The following PITPNC1 variants were observed in gnomAD, a reference collection of about 807,000 sequenced individuals.
PITPNC1 encodes the protein cytoplasmic phosphatidylinositol transfer protein 1.
Under a neutral mutation model 44.7 loss-of-function variants are expected in PITPNC1, and 18 were observed. The ratio of observed to expected loss-of-function variants is 0.40; its 90% CI spans 0.28 to 0.60. PITPNC1 has a LOEUF of 0.60. Ranked by LOEUF, PITPNC1 falls within the 20% of genes least tolerant of loss-of-function variation. The probability of loss-of-function intolerance (pLI) is 0.39; values close to 1 mark genes in which losing one functional copy is unlikely to be tolerated. For missense variants in PITPNC1, 290 were observed against 418.4 expected (o/e 0.69, Z 2.68); for synonymous variants, 141 against 149.6 (o/e 0.94, Z 0.42).
At chr17:67,442,692 A>AT (rs1555651513) in intron 1 of PITPNC1, among the ~76,000 whole-genome samples, 14 of 150,668 alleles carry the variant, frequency 9.3e-5, no homozygotes, top group South Asian at 2.1e-4. Flanking sequence ...AAAATACAAA[A>AT]ATATATATAT....
chr17:67,635,179 CAG>C (rs2042019158), intron 6 of PITPNC1, among the ~76,000 whole-genome samples: 1 of 152,194 alleles, frequency 6.6e-6, no homozygotes, highest in Non-Finnish European at 1.5e-5. Flanking sequence ...TGGAGAAGAA[CAG>C]AGTCAGGAGA....
At chr17:67,553,581 C>T (rs1293675058) in intron 3 of PITPNC1, 29 bp from the exon 4 acceptor site, 2 of 1,144,614 alleles carry the variant, frequency 1.7e-6, no homozygotes, top group Admixed American at 2.8e-5. Context: ...TTTCTTTCCT[C>T]TCTTCTTCAA....
intron 6 of PITPNC1, among the ~76,000 whole-genome samples, chr17:67,660,648 C>T (rs148907166): frequency 0.066 from 10,062 of 151,476 alleles, 844 homozygotes; most frequent in East Asian, 0.21. Flanking sequence ...TGGATTCAAG[C>T]GATTCTCCTG....
chr17:67,462,995 C>G (rs941066891), intron 1 of PITPNC1, among the ~76,000 whole-genome samples: 1 of 152,228 alleles, frequency 6.6e-6, no homozygotes, highest in African/African-American at 2.4e-5. Context: ...AGCCGCCGCC[C>G]CCGGCAACAA....
intron 1 of PITPNC1, among the ~76,000 whole-genome samples, chr17:67,502,497 A>G (rs553620023): frequency 2.6e-5 from 4 of 152,166 alleles, no homozygotes; most frequent in Non-Finnish European, 5.9e-5. Context: ...TAACAAAACC[A>G]TTGCCCTAGT....
intron 1 of PITPNC1, among the ~76,000 whole-genome samples, chr17:67,515,620 G>A (rs566840183): frequency 8.1e-4 from 124 of 152,280 alleles, no homozygotes; most frequent in Non-Finnish European, 1.3e-3. Context: ...TGGGCTGGGC[G>A]TGGAGCCGGC....
chr17:67,424,105 AAAT>A (rs1187653508), intron 1 of PITPNC1, among the ~76,000 whole-genome samples: 6 of 151,508 alleles, frequency 4.0e-5, no homozygotes, highest in Non-Finnish European at 7.4e-5. Flanking sequence ...AAAAAAAAAA[AAAT>A]AGAGTTGAGG....
chr17:67,606,668 A>G (rs2041612485), intron 5 of PITPNC1, among the ~76,000 whole-genome samples: 1 of 152,256 alleles, frequency 6.6e-6, no homozygotes, highest in Non-Finnish European at 1.5e-5. Context: ...CACGATATTA[A>G]ACAGGCATAG....
At chr17:67,450,370 T>A (rs2039158076) in intron 1 of PITPNC1, among the ~76,000 whole-genome samples, 1 of 108,194 alleles carries the variant, frequency 9.2e-6, no homozygotes, top group Non-Finnish European at 2.3e-5. Context: ...CACGGGAGAC[T>A]TCGTTAAAAA....
intron 1 of PITPNC1, among the ~76,000 whole-genome samples, chr17:67,447,872 G>C (rs752093095): frequency 2.0e-5 from 3 of 146,920 alleles, no homozygotes; most frequent in African/African-American, 5.4e-5. Flanking sequence ...TTCTCTCTCT[G>C]TCTCTGGGAT....
In PITPNC1 at chr17:67,383,554, G is replaced by A. The variant is rs974146028; in HGVS notation, c.48+5352G>A. On this transcript the variant is annotated intron_variant, in intron 1 of 8. Transcript: ENST00000581322. ...GAAGGGTGGCCCACCTCCTCCCGCAGCCACTCGGTCCCAGTGAGCGACCTG... is the reference window on the plus strand; with the variant it reads ...GAAGGGTGGCCCACCTCCTCCCGCAACCACTCGGTCCCAGTGAGCGACCTG... Among the ~76,000 whole-genome samples the A allele has an allele frequency of 5.3e-5, 8 of 152,254 alleles. No homozygotes were observed. In the South Asian group the frequency reaches 1.0e-3, roughly 20 times the overall value.
At chr17:67,594,941 A>T (rs534686998) in intron 5 of PITPNC1, among the ~76,000 whole-genome samples, 1 of 152,356 alleles carries the variant, frequency 6.6e-6, no homozygotes, top group African/African-American at 2.4e-5. Context: ...GACATTCAGC[A>T]TGTTTTAACA....
At chr17:67,393,344 C>G (rs544357173) in intron 1 of PITPNC1, among the ~76,000 whole-genome samples, 2 of 152,130 alleles carry the variant, frequency 1.3e-5, no homozygotes, top group South Asian at 4.2e-4. Flanking sequence ...ACCCCAAAGC[C>G]CCTGGCAACC....
At chr17:67,475,547 G>A (rs1348073639) in intron 1 of PITPNC1, among the ~76,000 whole-genome samples, 1 of 152,182 alleles carries the variant, frequency 6.6e-6, no homozygotes, top group Non-Finnish European at 1.5e-5. Flanking sequence ...CAAGGCCAAG[G>A]CAGAGGCTGC....
At position 67,658,389 on chromosome 17, in the gene PITPNC1, T is replaced by A. The variant is rs188469654; in HGVS notation, c.463-11119T>A. 3.7e-3 allele frequency among the ~76,000 whole-genome samples: 571 copies of A among 152,332 alleles called. 7 individuals carry two copies. The highest frequency in any genetic ancestry group is 5.1e-3 in the Non-Finnish European group (347 of 68,034). On this transcript the variant is annotated intron_variant, in intron 6 of 8. Coordinates refer to ENST00000581322, the MANE Select transcript of PITPNC1 (RefSeq NM_012417.4). ...TGAGTGGTATCTTCACTTTAACCTT[T>A]TTTGCATACTCACAAACCAATCAGC...
intron 1 of PITPNC1, among the ~76,000 whole-genome samples, chr17:67,381,003 G>A (rs1243838318): frequency 6.6e-6 from 1 of 152,086 alleles, no homozygotes; most frequent in Non-Finnish European, 1.5e-5. Context: ...GAACTCCTGA[G>A]CTTGAGTGAT....
intron 8 of PITPNC1, among the ~76,000 whole-genome samples, chr17:67,682,469 C>T (rs1476900031): frequency 2.0e-5 from 3 of 152,204 alleles, no homozygotes; most frequent in Non-Finnish European, 4.4e-5. Context: ...ACCTCACGCC[C>T]TGAGATAAGA....
chr17:67,436,485 G>A (rs898123752), intron 1 of PITPNC1, among the ~76,000 whole-genome samples: 12 of 152,078 alleles, frequency 7.9e-5, no homozygotes, highest in Admixed American at 3.9e-4. Flanking sequence ...AGGGAGGCAA[G>A]AGGTAAGCAG....
intron 8 of PITPNC1, among the ~76,000 whole-genome samples, chr17:67,682,434 T>G (rs1231528308): frequency 3.3e-5 from 5 of 152,182 alleles, no homozygotes; most frequent in Non-Finnish European, 5.9e-5. Flanking sequence ...GAGGAGAACG[T>G]TCTACTCAGG....
Sources: gnomAD v4.1 joint callset for allele counts (sites outside exome capture counted in the v4.1 genomes callset) on GRCh38, gnomAD v4.1.1 for gene constraint, MANE v1.5 for transcripts, NCBI Gene and HGNC (gene_info 2026-07-23, HGNC 2026-07-21) for gene names.